The following STAT6 variants were observed in gnomAD, a reference collection of about 807,000 sequenced individuals.
STAT6 encodes STAT, interleukin4-induced.
Under a neutral mutation model 106.3 loss-of-function variants are expected in STAT6, and 45 were observed. That is an observed-to-expected ratio of 0.42 (90% CI 0.33 to 0.54). The LOEUF is 0.54. STAT6 is among the 20% of genes least tolerant of loss of function. The probability of loss-of-function intolerance (pLI) is 0.06; values close to 1 mark genes in which losing one functional copy is unlikely to be tolerated. For missense variants in STAT6, 797 were observed against 1,062.2 expected (o/e 0.75, Z 3.47); for synonymous variants, 413 against 413.6 (o/e 1.00, Z 0.02).
Position 57,102,312 on chromosome 12 carries a change from A to T in STAT6, c.1490T>A (p.Val497Glu). Residue 497 changes from valine to glutamate, a missense_variant, in exon 13 of 22, where the codon GTG (valine) becomes GAG (glutamate). Around this residue, in one of 4 missense-constraint regions of STAT6, gnomAD observed 222 missense variants for 354.6 expected, o/e 0.63. Transcript: ENST00000300134. ...GACCTTGTTGAACTGCGACCAGGAC[A>T]CAGAACGGTGCTGGAAGGCCTCCAT... ...LSMEAFQHRSVSWSQFNKEIL... is the reference protein window; with the variant it reads ...LSMEAFQHRSESWSQFNKEIL... The T allele has an allele frequency of 6.2e-7, 1 of 1,614,146 alleles. No individual in the cohort carries two copies. The highest frequency in any genetic ancestry group is 8.5e-7 in the Non-Finnish European group (1 of 1,180,018).
intron 19 of STAT6, 54 bp from the exon 20 acceptor site, chr12:57,097,187 G>A: frequency 6.9e-7 from 1 of 1,440,468 alleles, no homozygotes; most frequent in African/African-American, 1.4e-5. Context: ...AATGCAGAGT[G>A]GTGCAAAGTC....
At chr12:57,097,804 G>C (rs3024982) in intron 19 of STAT6, among the ~76,000 whole-genome samples, 1 of 152,114 alleles carries the variant, frequency 6.6e-6, no homozygotes, top group African/African-American at 2.4e-5. Context: ...GTGCACTACA[G>C]CAGGAGGATT....
chr12:57,108,087 G>A lies in STAT6; in HGVS notation c.116+76C>T, dbSNP rs2034383399. 10 of 962,314 alleles carry A rather than the reference G, an allele frequency of 1.0e-5. No individual in the cohort carries two copies. In the South Asian group the frequency reaches 1.3e-4, roughly 12 times the overall value. The allele number at this position is 962,314 out of a possible 1,614,324, so 59.6% of individuals were successfully genotyped here. A position where few individuals can be genotyped will look rare whatever the true frequency, so the allele number is the denominator to read the frequency against. On this transcript the variant is annotated intron_variant, in intron 2 of 21. Transcript: ENST00000300134. ...TCTCAAGTTCTGAATCCATGGGTGA[G>A]GGGAGAAAAATCTAAGGAGAAGGAA...
intron 9 of STAT6, 81 bp from the exon 10 acceptor site, chr12:57,104,894 C>T (rs2034177095): frequency 2.0e-6 from 3 of 1,474,716 alleles, no homozygotes; most frequent in Non-Finnish European, 2.8e-6. Flanking sequence ...TGTAGACTAC[C>T]CACTGTCACC....
At chr12:57,109,576 G>A (rs1464958573) in intron 1 of STAT6, among the ~76,000 whole-genome samples, 1 of 152,094 alleles carries the variant, frequency 6.6e-6, no homozygotes, top group Non-Finnish European at 1.5e-5. Context: ...TGAAGGAGGA[G>A]AGGTGGAAAA....
chr12:57,102,950 T>A (rs367784151), intron 11 of STAT6, 29 bp from the exon 12 acceptor site: 2 of 959,446 alleles, frequency 2.1e-6, no homozygotes, highest in African/African-American at 3.7e-5. Flanking sequence ...GGGGTTTCTT[T>A]TCTTTCTTTC....
In STAT6 at chr12:57,099,217, G is replaced by T. The variant is rs2033659814; in HGVS notation, c.1891+77C>A. ...GGAGTGACATCAGGATGACACGCGGGCAGGGAGAGGAGGGCAGCGGGGAGC... is the reference window on the plus strand; with the variant it reads ...GGAGTGACATCAGGATGACACGCGGTCAGGGAGAGGAGGGCAGCGGGGAGC... On this transcript the variant is annotated intron_variant, in intron 16 of 21. Coordinates refer to ENST00000300134, the MANE Select transcript of STAT6 (RefSeq NM_003153.5). The surrounding 1 kb of genome is among the most constrained non-coding windows in gnomAD (Gnocchi z 4.7). The T allele has an allele frequency of 6.2e-7, 1 of 1,600,896 alleles. No homozygotes were observed. The highest frequency in any genetic ancestry group is 8.6e-7 in the Non-Finnish European group (1 of 1,169,004).
Position 57,096,203 on chromosome 12 carries a change from T to A in STAT6, c.*369A>T, listed in dbSNP as rs2033408840. On this transcript the variant is annotated 3_prime_UTR_variant, in exon 22 of 22. Coordinates refer to ENST00000300134, the MANE Select transcript of STAT6 (RefSeq NM_003153.5). ...TCAGAATGGGCGGAGAAGCCTTCCA[T>A]GCCCTAACCTGTGCTCTTACCCAGC... The A allele has an allele frequency of 4.8e-6, 1 of 207,394 alleles. No homozygotes were observed. Among genetic ancestry groups the A allele is most frequent in the South Asian group, 1.3e-4 (1 of 7,946 alleles). 12.8% of individuals were successfully genotyped at this position (207,394 alleles called of 1,614,324 possible). A position where few individuals can be genotyped will look rare whatever the true frequency, so the allele number is the denominator to read the frequency against.
rs1315034779 is a variant in STAT6, at chr12:57,099,818, C to G, written c.1693G>C (p.Asp565His). The change falls in exon 15 of 22, where the codon GAC becomes CAC. Residue 565 changes from aspartate to histidine, a missense_variant. Physicochemically the swap from Asp to His is moderately conservative, Grantham distance 81. Transcript: ENST00000300134. The surrounding 1 kb of genome is among the most constrained non-coding windows in gnomAD (Gnocchi z 4.7). The stretch of plus-strand genomic sequence containing the variant: ...ATGGTGATGCCCCCAATCTCTGAGT[C>G]GCTGAAGCGGAGGAGAAAGGTTCCG... ...PDGTFLLRFS[D>H]SEIGGITIAH... The G allele has an allele frequency of 1.2e-6, 2 of 1,614,084 alleles. No individual in the cohort carries two copies. Among genetic ancestry groups the G allele is most frequent in the African/African-American group, 1.3e-5 (1 of 74,928 alleles).
Position 57,105,566 on chromosome 12 carries a change from T to C in STAT6, c.714A>G (p.Leu238=), listed in dbSNP as rs2034221409. The C allele has an allele frequency of 6.2e-7, 1 of 1,613,848 alleles. No individual in the cohort carries two copies. The highest frequency in any genetic ancestry group is 8.5e-7 in the Non-Finnish European group (1 of 1,179,928). ...CESLVDIYSQ[L]QQEVGAAGGE... ...CACCAGCCGCCCCTACCTCCTGCTGTAGCTGGGAATAAATGTCCACCAGGC... is the reference window on the plus strand; with the variant it reads ...CACCAGCCGCCCCTACCTCCTGCTGCAGCTGGGAATAAATGTCCACCAGGC... The change falls in exon 8 of 22, where the codon CTA becomes CTG. Residue 238 remains leucine (L), a synonymous_variant. Coordinates refer to ENST00000300134, the MANE Select transcript of STAT6 (RefSeq NM_003153.5).
In STAT6 at chr12:57,105,182, G is replaced by T. The variant is rs2034190990; in HGVS notation, c.970C>A (p.Leu324Met). The change falls in exon 9 of 22, where the codon CTG (leucine) becomes ATG (methionine). Residue 324 changes from leucine to methionine, a missense_variant. Leu to Met is a conservative substitution (Grantham distance 15). This residue lies in a region of STAT6 where 336 missense variants were observed against 429.8 expected (regional missense o/e 0.78). Transcript: ENST00000300134. ...DMVTEKQARE[L>M]SVPQGPGAGA... ...GCCCCAGGACCCTGAGGCACACTCA[G>T]CTCCCGCGCCTGCTTCTCTGTCACC... 2 of 1,613,600 alleles carry T rather than the reference G, an allele frequency of 1.2e-6. No individual in the cohort carries two copies. The highest frequency in any genetic ancestry group is 4.5e-5 in the East Asian group (2 of 44,872).
chr12:57,105,624 G>A (rs2034225074), intron 7 of STAT6, 25 bp from the exon 8 acceptor site: 10 of 1,612,324 alleles, frequency 6.2e-6, no homozygotes, highest in Admixed American at 1.7e-5. Context: ...GTGGTCAGGG[G>A]GCACAGGATT....
In STAT6 at chr12:57,096,623, T is replaced by C. The variant is rs143146185; in HGVS notation, c.2493A>G (p.Gln831=). The change falls in exon 22 of 22, where the codon CAA becomes CAG. Residue 831 remains glutamine (Q), a synonymous_variant. Transcript: ENST00000300134. ...CCATGTGGGACATTGAGATCCCAGA[T>C]TGCCCATAGTGGGAGGGCTGCAGGA... ...QPLLQPSHYG[Q]SGISMSHMDL... is the part of the protein sequence containing the mutation. 5 of 1,608,336 alleles carry C rather than the reference T, an allele frequency of 3.1e-6. No homozygotes were observed. Among genetic ancestry groups the C allele is most frequent in the African/African-American group, 1.3e-5 (1 of 74,534 alleles).
In STAT6 at chr12:57,096,863, G is replaced by T; in HGVS notation, c.2341C>A (p.Pro781Thr). ...GCTGCCACTCACCAAGTGCCCTGAG[G>T]AAACGCTGTCACTGGCTGGCTCAGG... is the stretch of plus-strand genomic sequence containing the variant. ...SCLSQPVTAF[P>T]QGTWIGEDIF... Residue 781 changes from proline (P) to threonine (T), a missense_variant, in exon 21 of 22, where the codon CCT becomes ACT. This residue lies in a region of STAT6 where 226 missense variants were observed against 236.7 expected (regional missense o/e 0.95). Transcript: ENST00000300134. 4 of 1,614,174 alleles carry T rather than the reference G, an allele frequency of 2.5e-6. No homozygotes were observed. In the East Asian group the frequency reaches 6.7e-5, roughly 27 times the overall value.
intron 13 of STAT6, 144 bp from the exon 14 acceptor site, chr12:57,100,234 G>A (rs187253798): frequency 1.0e-5 from 7 of 692,460 alleles, no homozygotes; most frequent in Admixed American, 4.5e-5. Flanking sequence ...CAATGACAAC[G>A]ACCAATCCTA....
intron 2 of STAT6, 45 bp downstream of exon 2, chr12:57,108,118 G>A (rs752334737): frequency 2.8e-5 from 35 of 1,248,246 alleles, no homozygotes; most frequent in Admixed American, 7.6e-5. Context: ...AGGAAGATGA[G>A]TTAGGGAAGA....
In STAT6 at chr12:57,096,257, A is replaced by C; in HGVS notation, c.*315T>G. 6.8e-6 allele frequency: 2 copies of C among 294,718 alleles called. No homozygotes were observed. The highest frequency in any genetic ancestry group is 6.3e-6 in the Non-Finnish European group (1 of 158,908). 18.3% of individuals were successfully genotyped at this position (294,718 alleles called of 1,614,324 possible). The stretch of plus-strand genomic sequence containing the variant: ...CCTCCTGCTCAGCCCCATCACCCTC[A>C]GAGAGCTCTGTATGTGTGTGTGCGT... On this transcript the variant is annotated 3_prime_UTR_variant, in exon 22 of 22. Coordinates refer to ENST00000300134, the MANE Select transcript of STAT6 (RefSeq NM_003153.5).
At chr12:57,102,563 A>G in intron 12 of STAT6, 67 bp from the exon 13 acceptor site, 4 of 1,534,432 alleles carry the variant, frequency 2.6e-6, no homozygotes, top group East Asian at 2.3e-5. Flanking sequence ...GCCGGCCTTC[A>G]TCCCTCCCAC....
intron 4 of STAT6, 50 bp from the exon 5 acceptor site, chr12:57,106,881 C>G: frequency 6.2e-7 from 1 of 1,606,290 alleles, no homozygotes. Flanking sequence ...GCTCATCCCT[C>G]TATACCTGGC....
Sources: gnomAD v4.1 joint callset for allele counts (sites outside exome capture counted in the v4.1 genomes callset) on GRCh38, gnomAD v4.1.1 for gene constraint, gnomAD v4.1.1 regional missense constraint, Gnocchi (gnomAD v3.1) non-coding constraint, MANE v1.5 for transcripts, NCBI Gene and HGNC (gene_info 2026-07-23, HGNC 2026-07-21) for gene names.